Variants in FANCL observed in about 807,000 individuals in gnomAD.
The protein encoded by FANCL is E3 ubiquitin-protein ligase FANCL.
A neutral mutation model predicts 59.4 loss-of-function variants in FANCL; 69 were observed. The ratio of observed to expected loss-of-function variants is 1.16; its 90% CI spans 0.96 to 1.42. FANCL has a LOEUF of 1.42. Ranked by LOEUF, FANCL falls within the 40% of genes most tolerant of loss-of-function variation. FANCL has a pLI of 0.00. For synonymous variants in FANCL, 180 were observed against 147.1 expected (o/e 1.22, Z -1.62); for missense variants, 519 against 447.2 (o/e 1.16, Z -1.45).
intron 5 of FANCL, among the ~76,000 whole-genome samples, chr2:58,207,910 C>G (rs1283295824): frequency 2.6e-5 from 4 of 152,076 alleles, no homozygotes; most frequent in African/African-American, 7.2e-5. Flanking sequence ...CTTTTTAAAA[C>G]TAACTCGTCA....
At chr2:58,210,899 C>A (rs533787725) in intron 5 of FANCL, among the ~76,000 whole-genome samples, 109 of 152,240 alleles carry the variant, frequency 7.2e-4, no homozygotes, top group Non-Finnish European at 1.3e-3. Flanking sequence ...GGAGCTAGAC[C>A]CCTGTGATTT....
chr2:58,178,679 G>A (rs1687617068), intron 7 of FANCL, among the ~76,000 whole-genome samples: 1 of 152,100 alleles, frequency 6.6e-6, no homozygotes, highest in South Asian at 2.1e-4. Flanking sequence ...CACAAGACAA[G>A]GATGCTCTCT....
chr2:58,231,936 C>T, intron 2 of FANCL, 118 bp downstream of exon 2: 3 of 797,966 alleles, frequency 3.8e-6, no homozygotes, highest in Non-Finnish European at 6.4e-6. Context: ...TCTTTTGGGG[C>T]AAATGACTAA....
At chr2:58,162,110 A>G (rs1478356925) in intron 11 of FANCL, among the ~76,000 whole-genome samples, 1 of 151,958 alleles carries the variant, frequency 6.6e-6, no homozygotes, top group Admixed American at 6.6e-5. Flanking sequence ...TAGTATTTAA[A>G]GAAAGGAATT....
intron 7 of FANCL, among the ~76,000 whole-genome samples, chr2:58,179,385 A>G (rs552112416): frequency 3.0e-4 from 46 of 152,302 alleles, no homozygotes; most frequent in African/African-American, 1.1e-3. Flanking sequence ...ACCAAAACAG[A>G]GATATAGACC....
chr2:58,198,530 C>G, intron 7 of FANCL, 64 bp downstream of exon 7: 1 of 1,390,026 alleles, frequency 7.2e-7, no homozygotes, highest in Non-Finnish European at 1.0e-6. Context: ...CATGGATACT[C>G]TGGGACAACT....
intron 1 of FANCL, among the ~76,000 whole-genome samples, chr2:58,236,728 T>A (rs1001355742): frequency 6.6e-6 from 1 of 151,828 alleles, no homozygotes; most frequent in Non-Finnish European, 1.5e-5. Flanking sequence ...AGAAACACAC[T>A]AAATATTAAA....
intron 6 of FANCL, among the ~76,000 whole-genome samples, chr2:58,199,519 G>C (rs1362613589): frequency 6.6e-6 from 1 of 151,930 alleles, no homozygotes; most frequent in African/African-American, 2.4e-5. Flanking sequence ...GGCTTATTAA[G>C]AAAAAATAAA....
chr2:58,238,166 A>T (rs1034899261), intron 1 of FANCL, among the ~76,000 whole-genome samples: 1 of 151,448 alleles, frequency 6.6e-6, no homozygotes, highest in Non-Finnish European at 1.5e-5. Flanking sequence ...ATTTTTTGTG[A>T]TTTTTTTTTA....
intron 5 of FANCL, among the ~76,000 whole-genome samples, chr2:58,207,716 A>C (rs533299734): frequency 1.4e-3 from 215 of 152,334 alleles, no homozygotes; most frequent in African/African-American, 5.0e-3. Context: ...TTAAAGGAAA[A>C]AAAGAGTGAT....
chr2:58,191,913 ATTCT>A (rs1309419866), intron 7 of FANCL, among the ~76,000 whole-genome samples: 1 of 151,926 alleles, frequency 6.6e-6, no homozygotes, highest in Non-Finnish European at 1.5e-5. Flanking sequence ...TGACACAGAT[ATTCT>A]TTCTCTCTTT....
At chr2:58,190,377 G>C (rs1362498367) in intron 7 of FANCL, among the ~76,000 whole-genome samples, 2 of 147,722 alleles carry the variant, frequency 1.4e-5, no homozygotes, top group East Asian at 4.0e-4. Context: ...TTTGAAAAGT[G>C]AAAGAAAGAA....
intron 7 of FANCL, among the ~76,000 whole-genome samples, chr2:58,176,333 G>A (rs1687307278): frequency 1.3e-5 from 2 of 152,058 alleles, no homozygotes; most frequent in East Asian, 3.9e-4. Flanking sequence ...TCAATCCTAA[G>A]CCAAAAGAAC....
At chr2:58,221,436 T>A (rs554804581) in intron 5 of FANCL, among the ~76,000 whole-genome samples, 6 of 150,336 alleles carry the variant, frequency 4.0e-5, no homozygotes, top group South Asian at 2.1e-4. Context: ...GCATCAGTTT[T>A]AAAAAAAAAA....
chr2:58,213,953 C>G (rs895674487), intron 5 of FANCL, among the ~76,000 whole-genome samples: 1 of 152,136 alleles, frequency 6.6e-6, no homozygotes, highest in Non-Finnish European at 1.5e-5. Context: ...CGGAGCTGCC[C>G]TATGGGACAA....
intron 7 of FANCL, chr2:58,194,210 C>A (rs1400152246): frequency 2.1e-6 from 1 of 471,004 alleles, no homozygotes; most frequent in South Asian, 1.5e-5. Context: ...ACCAAGCCTG[C>A]ACTTAGTGGC....
At chr2:58,198,873 C>CA in intron 6 of FANCL, among the ~76,000 whole-genome samples, 1 of 151,744 alleles carries the variant, frequency 6.6e-6, no homozygotes, top group South Asian at 2.1e-4. Flanking sequence ...CTAAAAAATA[C>CA]AAAAAATTAG....
intron 7 of FANCL, among the ~76,000 whole-genome samples, chr2:58,185,957 CACTT>C (rs780219890): frequency 4.6e-5 from 7 of 152,098 alleles, no homozygotes; most frequent in Non-Finnish European, 7.4e-5. Context: ...TATTGAGAAA[CACTT>C]ACATTCTGCA....
intron 7 of FANCL, among the ~76,000 whole-genome samples, chr2:58,184,558 T>G (rs1688223773): frequency 6.6e-6 from 1 of 152,062 alleles, no homozygotes; most frequent in Non-Finnish European, 1.5e-5. Context: ...AAATGCCGTC[T>G]GTTTTGTGCA....
Sources: gnomAD v4.1 joint callset for allele counts (sites outside exome capture counted in the v4.1 genomes callset) on GRCh38, gnomAD v4.1.1 for gene constraint, MANE v1.5 for transcripts, NCBI Gene and HGNC (gene_info 2026-07-23, HGNC 2026-07-21) for gene names.